GRIA4: variants seen among roughly 807,000 people sequenced by gnomAD.
The protein encoded by GRIA4 is glutamate receptor 4.
In GRIA4, 34 loss-of-function variants were observed where a neutral mutation model predicts 104.0. The observed-to-expected ratio is 0.33, with a 90% CI of 0.25 to 0.44. GRIA4 has a LOEUF of 0.44. Among genes scored for constraint, GRIA4 ranks in the 20% least tolerant of loss-of-function variants. The pLI, the probability that GRIA4 is intolerant of heterozygous loss-of-function variation, is 1.00. For missense variants in GRIA4, 750 were observed against 1,096.5 expected (o/e 0.68, Z 4.46); for synonymous variants, 386 against 381.9 (o/e 1.01, Z -0.13).
chr11:105,622,311 T>A (rs952451675), intron 3 of GRIA4, among the ~76,000 whole-genome samples: 4 of 151,864 alleles, frequency 2.6e-5, no homozygotes, highest in African/African-American at 9.7e-5. Context: ...ACACTAACTC[T>A]TCTGGAATTT....
intron 3 of GRIA4, among the ~76,000 whole-genome samples, chr11:105,732,309 A>G (rs1235951468): frequency 6.6e-6 from 1 of 152,138 alleles, no homozygotes; most frequent in Non-Finnish European, 1.5e-5. Flanking sequence ...TGGCCCAAAC[A>G]TATCTATAGA....
At chr11:105,976,546 T>G (rs3758793) in intron 16 of GRIA4, among the ~76,000 whole-genome samples, 42,566 of 151,906 alleles carry the variant, frequency 0.28, 5,960 homozygotes, top group Non-Finnish European at 0.29. Flanking sequence ...TTGGGATAAA[T>G]GAAATAATCT....
intron 3 of GRIA4, among the ~76,000 whole-genome samples, chr11:105,641,349 G>A (rs1951353518): frequency 6.6e-6 from 1 of 152,024 alleles, no homozygotes; most frequent in Non-Finnish European, 1.5e-5. Context: ...ACTCACCATA[G>A]CCACTATCTT....
chr11:105,790,447 G>A (rs1013512967), intron 4 of GRIA4, among the ~76,000 whole-genome samples: 1 of 152,070 alleles, frequency 6.6e-6, no homozygotes. Context: ...AGTGGCAGGT[G>A]ATCTATGAGC....
intron 10 of GRIA4, among the ~76,000 whole-genome samples, chr11:105,915,039 C>G (rs962417655): frequency 2.0e-5 from 3 of 151,992 alleles, no homozygotes; most frequent in Non-Finnish European, 4.4e-5. Flanking sequence ...GGAGGTTGGG[C>G]GAATGTTGAG....
At chr11:105,768,398 A>G (rs1445332645) in intron 4 of GRIA4, among the ~76,000 whole-genome samples, 2 of 152,182 alleles carry the variant, frequency 1.3e-5, no homozygotes, top group African/African-American at 4.8e-5. Flanking sequence ...TGGAGAAAAT[A>G]AAGTGATAAA....
chr11:105,623,227 C>G (rs1205500107), intron 3 of GRIA4, among the ~76,000 whole-genome samples: 4 of 151,524 alleles, frequency 2.6e-5, no homozygotes, highest in East Asian at 1.9e-4. Flanking sequence ...GTATAGATAC[C>G]CAGTAGTGGG....
intron 14 of GRIA4, among the ~76,000 whole-genome samples, chr11:105,934,483 C>T (rs1312030185): frequency 1.3e-5 from 2 of 151,990 alleles, no homozygotes; most frequent in African/African-American, 4.8e-5. Flanking sequence ...TTTGAAATAA[C>T]ATCTATTTAT....
chr11:105,924,578 C>T lies in GRIA4; in HGVS notation c.1656C>T (p.Val552=). 1 of 1,612,844 alleles carries T rather than the reference C, an allele frequency of 6.2e-7. No homozygotes were observed. ...PLAYEIWMCI[V]FAYIGVSVVL... is the part of the protein sequence containing the mutation. ...CCTATGAGATTTGGATGTGCATAGT[C>T]TTTGCCTACATTGGTGTCAGCGTGG... Residue 552 remains valine (V), a synonymous_variant, in exon 12 of 17, where the codon GTC becomes GTT. Transcript: ENST00000282499.
chr11:105,779,022 G>A (rs1276344794), intron 4 of GRIA4, among the ~76,000 whole-genome samples: 1 of 141,026 alleles, frequency 7.1e-6, no homozygotes, highest in African/African-American at 2.7e-5. Context: ...ACCTGTGAGT[G>A]AGAACATGCG....
At position 105,732,210 on chromosome 11, in the gene GRIA4, C is replaced by T. The variant is rs117999356; in HGVS notation, c.248-20771C>T. Among the ~76,000 whole-genome samples, 469 of 152,234 alleles carry T rather than the reference C, an allele frequency of 3.1e-3. 2 individuals carry two copies. The highest frequency in any genetic ancestry group is 4.1e-3 in the Non-Finnish European group (277 of 68,000). ...TTAGACTTAAAAGAGAGTGTGGCTACTCCAGGAGAGTGCAGTCTGCAAACA... is the reference window on the plus strand; with the variant it reads ...TTAGACTTAAAAGAGAGTGTGGCTATTCCAGGAGAGTGCAGTCTGCAAACA... On this transcript the variant is annotated intron_variant, in intron 3 of 16. Transcript: ENST00000282499.
chr11:105,796,855 T>C (rs957619774), intron 4 of GRIA4, among the ~76,000 whole-genome samples: 19 of 152,172 alleles, frequency 1.2e-4, no homozygotes, highest in Non-Finnish European at 2.4e-4. Flanking sequence ...ACTTTAATGT[T>C]GTATTTTGGT....
intron 4 of GRIA4, among the ~76,000 whole-genome samples, chr11:105,848,166 T>TA (rs544310027): frequency 2.1e-4 from 32 of 152,106 alleles, no homozygotes; most frequent in Non-Finnish European, 4.3e-4. Context: ...TATTATTTGT[T>TA]AAAAAAATAG....
intron 14 of GRIA4, among the ~76,000 whole-genome samples, chr11:105,949,272 T>C (rs1948404957): frequency 6.6e-6 from 1 of 152,242 alleles, no homozygotes; most frequent in Non-Finnish European, 1.5e-5. Flanking sequence ...ACACTTCATA[T>C]CAGGACTTCC....
chr11:105,654,413 AC>A, intron 3 of GRIA4, among the ~76,000 whole-genome samples: 1 of 152,240 alleles, frequency 6.6e-6, no homozygotes, highest in East Asian at 1.9e-4. Context: ...TGGCCACTCC[AC>A]AATTTATAAT....
intron 11 of GRIA4, 82 bp downstream of exon 11, chr11:105,919,000 G>T (rs916687682): frequency 3.8e-6 from 3 of 794,532 alleles, no homozygotes; most frequent in African/African-American, 3.5e-5. Context: ...ATTTTTAAAC[G>T]TCTATTATTG....
intron 2 of GRIA4, 27 bp downstream of exon 2, chr11:105,611,112 A>G (rs913277823): frequency 2.0e-6 from 3 of 1,526,746 alleles, no homozygotes; most frequent in Non-Finnish European, 2.7e-6. Context: ...TGGGGTGTGC[A>G]TGTGGCTGGT....
intron 3 of GRIA4, among the ~76,000 whole-genome samples, chr11:105,700,238 C>T (rs1274740331): frequency 1.3e-5 from 2 of 152,176 alleles, no homozygotes; most frequent in African/African-American, 4.8e-5. Context: ...AATTATGTAG[C>T]TGCAGAAAGA....
At chr11:105,795,722 T>C (rs1475714751) in intron 4 of GRIA4, among the ~76,000 whole-genome samples, 1 of 152,030 alleles carries the variant, frequency 6.6e-6, no homozygotes, top group Non-Finnish European at 1.5e-5. Flanking sequence ...AGATCAGAGA[T>C]CTTCATTCTT....
Sources: gnomAD v4.1 joint callset for allele counts (sites outside exome capture counted in the v4.1 genomes callset) on GRCh38, gnomAD v4.1.1 for gene constraint, MANE v1.5 for transcripts, NCBI Gene and HGNC (gene_info 2026-07-23, HGNC 2026-07-21) for gene names.